PRAMEF19: variants seen among roughly 807,000 people sequenced by gnomAD.
PRAMEF19 encodes PRAME family member 19.
In PRAMEF19, 21 loss-of-function variants were observed where a neutral mutation model predicts 33.1. That is an observed-to-expected ratio of 0.63 (90% confidence interval 0.45 to 0.91). The LOEUF is 0.91. Among genes scored for constraint, PRAMEF19 ranks in the 40% least tolerant of loss-of-function variants. The pLI, the probability that PRAMEF19 is intolerant of heterozygous loss-of-function variation, is 0.00. For missense variants in PRAMEF19, 481 were observed against 585.2 expected, an observed-to-expected ratio of 0.82 and a Z score of 1.84; for synonymous variants, 179 against 229.3, an observed-to-expected ratio of 0.78 and a Z score of 1.98.
exon 2 of PRAMEF19, chr1:13,370,695 T>C (rs1640660627): frequency 3.7e-6 from 6 of 1,613,948 alleles, no homozygotes; most frequent in South Asian, 2.2e-5. Flanking sequence ...ATCCTTCTCA[T>C]ATAAAGCATC....
At chr1:13,370,651 G>C in exon 2 of PRAMEF19, 1 of 1,613,890 alleles carries the variant, frequency 6.2e-7, no homozygotes. Context: ...TTCCTCACCT[G>C]ATCAGCTGGT....
At chr1:13,369,719 C>G in intron 2 of PRAMEF19, 79 bp from the exon 3 acceptor site, 2 of 1,586,100 alleles carry the variant, frequency 1.3e-6, no homozygotes, top group South Asian at 2.3e-5. Flanking sequence ...AAGGGAAGAG[C>G]CTGTTTTGCC....
chr1:13,369,260 C>G, exon 3 of PRAMEF19: 2 of 1,612,022 alleles, frequency 1.2e-6, no homozygotes, highest in South Asian at 1.1e-5. Context: ...AAGACTCTCC[C>G]GAGGGGCAGG....
exon 3 of PRAMEF19, chr1:13,369,343 G>C: frequency 6.2e-7 from 1 of 1,612,116 alleles, no homozygotes; most frequent in Non-Finnish European, 8.5e-7. Flanking sequence ...CCATGGACGT[G>C]TCATTGCCGT....
At chr1:13,368,690 CAG>C (rs1379719128), downstream of PRAMEF19, among the ~76,000 whole-genome samples, 1 of 152,212 alleles carries the variant, frequency 6.6e-6, no homozygotes, top group African/African-American at 2.4e-5. Flanking sequence ...GTCTAGGACA[CAG>C]ATCCCTGAGT....
At chr1:13,370,682 C>T (rs1223037272) in exon 2 of PRAMEF19, 16 of 1,613,788 alleles carry the variant, frequency 9.9e-6, no homozygotes, top group Middle Eastern at 1.6e-4. Context: ...TTCGAAGAAG[C>T]GGATCCTTCT....
intron 2 of PRAMEF19, among the ~76,000 whole-genome samples, chr1:13,370,217 G>T (rs1446749808): frequency 6.6e-6 from 1 of 152,276 alleles, no homozygotes; most frequent in East Asian, 1.9e-4. Flanking sequence ...AAACGCACAG[G>T]TTTGGTGCAC....
downstream of PRAMEF19, among the ~76,000 whole-genome samples, chr1:13,368,904 A>C (rs1486847216): frequency 6.6e-6 from 1 of 152,162 alleles, no homozygotes. Context: ...CTTAAGCGTA[A>C]GAGTTTGAGA....
exon 2 of PRAMEF19, chr1:13,370,954 A>G: frequency 1.2e-6 from 2 of 1,613,040 alleles, no homozygotes; most frequent in Non-Finnish European, 1.7e-6. Context: ...TCATTGAATA[A>G]TTTACCACCT....
At chr1:13,371,017 G>C in exon 2 of PRAMEF19, 1 of 1,612,038 alleles carries the variant, frequency 6.2e-7, no homozygotes. Flanking sequence ...ACCCAGAGAA[G>C]AAGCTCAGAT....
At chr1:13,369,190 A>G in exon 3 of PRAMEF19, 1 of 1,612,000 alleles carries the variant, frequency 6.2e-7, no homozygotes, top group Non-Finnish European at 8.5e-7. Flanking sequence ...CCCTCAGTAT[A>G]CGCATCAGCT....
rs1450891887 is a variant in PRAMEF19 at position 13,369,664 on chromosome 1, C to A, written c.867-24G>T. On this transcript the variant is annotated intron_variant, in intron 2 of 2. Transcript: ENST00000376101. ...ACCTGGGGAGAGCAAGAAGTTAGTA[C>A]TGGGCAATGGCACCAGTTAGAGGAC... 1.5e-4 allele frequency: 238 copies of A among 1,613,550 alleles called. 2 individuals carry two copies. The South Asian group carries it at 2.4e-3, about 16-fold the overall frequency.
chr1:13,369,935 G>C (rs1640650799), intron 2 of PRAMEF19, among the ~76,000 whole-genome samples: 1 of 151,586 alleles, frequency 6.6e-6, no homozygotes, highest in Non-Finnish European at 1.5e-5. Flanking sequence ...CAGGAGCCCA[G>C]TGGAAGAGAT....
chr1:13,371,820 G>C (rs1243720443), exon 1 of PRAMEF19: 1 of 1,611,810 alleles, frequency 6.2e-7, no homozygotes, highest in Non-Finnish European at 8.5e-7. Flanking sequence ...GCTCATCCAG[G>C]ACGGAGATGG....
downstream of PRAMEF19, among the ~76,000 whole-genome samples, chr1:13,368,451 T>G (rs1640626555): frequency 6.6e-6 from 1 of 152,200 alleles, no homozygotes; most frequent in African/African-American, 2.4e-5. Context: ...TTTATTTTGA[T>G]TCCTTTATTT....
intron 2 of PRAMEF19, 53 bp downstream of exon 2, chr1:13,370,596 A>G: frequency 6.2e-6 from 10 of 1,610,170 alleles, no homozygotes; most frequent in Non-Finnish European, 8.5e-6. Context: ...GTTTACTGTA[A>G]CAAAAAAAGG....
exon 3 of PRAMEF19, chr1:13,369,615 A>T: frequency 1.2e-6 from 2 of 1,613,932 alleles, no homozygotes; most frequent in Non-Finnish European, 1.7e-6. Flanking sequence ...GTTAATGCCA[A>T]TGTCTCCAAC....
exon 1 of PRAMEF19, chr1:13,371,887 G>T: frequency 1.2e-6 from 2 of 1,611,988 alleles, no homozygotes; most frequent in Non-Finnish European, 1.7e-6. Context: ...TCTGCGTGGG[G>T]CCTGGAAGCT....
chr1:13,369,632 T>C (rs731980), exon 3 of PRAMEF19: 123 of 1,612,734 alleles, frequency 7.6e-5, no homozygotes, highest in African/African-American at 4.9e-4. Context: ...CAACGGGCTC[T>C]TGAGGCACCT....
Sources: allele counts gnomAD v4.1 joint callset (sites outside exome capture counted in the v4.1 genomes callset), GRCh38; gene constraint gnomAD v4.1.1; transcripts MANE v1.5; gene names NCBI Gene and HGNC (gene_info 2026-07-23, HGNC 2026-07-21).